NECAB1: variants seen among roughly 807,000 people sequenced by gnomAD.
NECAB1 encodes N-terminal EF-hand calcium binding protein 1.
In NECAB1, 29 loss-of-function variants were observed where a neutral mutation model predicts 57.5. The ratio of observed to expected loss-of-function variants is 0.50; its 90% CI spans 0.38 to 0.69. The LOEUF (loss-of-function observed/expected upper bound fraction) is 0.69, where lower values mean the gene tolerates loss of function less well. NECAB1 is among the 30% of genes least tolerant of loss of function. The pLI, the probability that NECAB1 is intolerant of heterozygous loss-of-function variation, is 0.00. For missense variants in NECAB1, 372 were observed against 413.8 expected (o/e 0.90, Z 0.88); for synonymous variants, 142 against 147.7 (o/e 0.96, Z 0.28).
intron 9 of NECAB1, 50 bp downstream of exon 9, chr8:90,934,407 A>T (rs1810482278): frequency 8.3e-7 from 1 of 1,209,752 alleles, no homozygotes; most frequent in African/African-American, 1.6e-5. Flanking sequence ...CTTTAAAAAC[A>T]TAATTTAATT....
chr8:90,918,090 A>T (rs1810020581), intron 6 of NECAB1, among the ~76,000 whole-genome samples: 1 of 149,732 alleles, frequency 6.7e-6, no homozygotes, highest in South Asian at 2.1e-4. Context: ...GCTCACTGCA[A>T]ACTCTGCCTC....
intron 5 of NECAB1, among the ~76,000 whole-genome samples, chr8:90,901,029 C>T (rs1809488690): frequency 6.6e-6 from 1 of 151,464 alleles, no homozygotes; most frequent in Non-Finnish European, 1.5e-5. Context: ...AAAATTTACC[C>T]TTCAACATTA....
intron 3 of NECAB1, among the ~76,000 whole-genome samples, chr8:90,835,539 G>A (rs968827183): frequency 2.6e-4 from 40 of 151,834 alleles, no homozygotes; most frequent in Admixed American, 1.3e-3. Context: ...AAAAATACTC[G>A]CCACAAAATA....
At chr8:90,945,312 C>T (rs182747378) in intron 10 of NECAB1, among the ~76,000 whole-genome samples, 10 of 152,246 alleles carry the variant, frequency 6.6e-5, no homozygotes, top group Admixed American at 3.9e-4. Flanking sequence ...GTGATCCGCC[C>T]GCCTCAGTCT....
At chr8:90,808,944 C>A (rs1038193769) in intron 2 of NECAB1, among the ~76,000 whole-genome samples, 1 of 151,980 alleles carries the variant, frequency 6.6e-6, no homozygotes, top group Non-Finnish European at 1.5e-5. Flanking sequence ...CGCGCCCGGC[C>A]TTTTCATCCT....
chr8:90,864,993 G>A lies in NECAB1; in HGVS notation c.234-7135G>A, dbSNP rs1368261668. 5.3e-5 allele frequency among the ~76,000 whole-genome samples: 8 copies of A among 152,044 alleles called. No homozygotes were observed. The East Asian group carries it at 5.8e-4, about 11-fold the overall frequency. On this transcript the variant is annotated intron_variant, in intron 3 of 12. Transcript: ENST00000417640. The stretch of plus-strand genomic sequence containing the variant: ...AGGGTGGGTTAGACTGGGGTGGGGC[G>A]CAAATGGAGAACTATGATCAACAGC...
At chr8:90,911,760 G>A (rs1489547391) in intron 5 of NECAB1, among the ~76,000 whole-genome samples, 1 of 152,112 alleles carries the variant, frequency 6.6e-6, no homozygotes, top group Admixed American at 6.6e-5. Flanking sequence ...TATTATCACA[G>A]CAAACAAACC....
rs188274008 is a variant in NECAB1 at position 90,806,766 on chromosome 8, G to T, written c.124+5051G>T. The T allele has an allele frequency of 1.6e-3, 238 of 152,324 alleles. 1 individual carries two copies. Among genetic ancestry groups the T allele is most frequent in the African/African-American group, 5.4e-3 (225 of 41,574 alleles). 9.4% of individuals were successfully genotyped at this position (152,324 alleles called of 1,614,324 possible). The stretch of plus-strand genomic sequence containing the variant: ...GGATAATAATATTACTTCTCATAAA[G>T]TTGTTTTGAGAATTAAATGAGATTA... On this transcript the variant is annotated intron_variant, in intron 2 of 12. Coordinates refer to ENST00000417640, the MANE Select transcript of NECAB1 (RefSeq NM_022351.5).
chr8:90,802,548 G>C (rs114266767), intron 2 of NECAB1, among the ~76,000 whole-genome samples: 1 of 152,220 alleles, frequency 6.6e-6, no homozygotes, highest in Middle Eastern at 3.4e-3. Context: ...GATACAAAGG[G>C]TTCTTTCCCT....
intron 3 of NECAB1, 116 bp downstream of exon 3, chr8:90,824,941 G>C: frequency 2.2e-6 from 1 of 446,862 alleles, no homozygotes. Flanking sequence ...TGCCAAGTTT[G>C]CCTATGCTTA....
intron 5 of NECAB1, among the ~76,000 whole-genome samples, chr8:90,906,889 A>ATGTG (rs1370948313): frequency 1.4e-5 from 1 of 72,862 alleles, no homozygotes; most frequent in African/African-American, 5.7e-5. Flanking sequence ...ATATATATAT[A>ATGTG]TATATATATA....
chr8:90,858,495 C>T (rs1020769956), intron 3 of NECAB1, among the ~76,000 whole-genome samples: 4 of 152,044 alleles, frequency 2.6e-5, no homozygotes, highest in Non-Finnish European at 5.9e-5. Context: ...TAAACACTTC[C>T]TCATTGCCAG....
At chr8:90,887,249 ATTT>A (rs975685795) in intron 5 of NECAB1, among the ~76,000 whole-genome samples, 1 of 151,788 alleles carries the variant, frequency 6.6e-6, no homozygotes, top group African/African-American at 2.4e-5. Context: ...ATCTTCTCCC[ATTT>A]TTTTTATCTG....
chr8:90,834,584 G>A (rs1812341168), intron 3 of NECAB1, among the ~76,000 whole-genome samples: 1 of 152,136 alleles, frequency 6.6e-6, no homozygotes, highest in Admixed American at 6.5e-5. Flanking sequence ...CCAGAACTGT[G>A]AGCAATAAAT....
At chr8:90,845,391 A>C (rs189292517) in intron 3 of NECAB1, among the ~76,000 whole-genome samples, 116 of 152,282 alleles carry the variant, frequency 7.6e-4, no homozygotes, top group African/African-American at 2.8e-3. Context: ...AATTTGGTTT[A>C]TATTTTTTAA....
chr8:90,939,154 G>A (rs1810609496), intron 9 of NECAB1, among the ~76,000 whole-genome samples: 1 of 152,196 alleles, frequency 6.6e-6, no homozygotes, highest in African/African-American at 2.4e-5. Context: ...GCTGCAAAAG[G>A]AGCCATGTGG....
At chr8:90,870,869 CA>C (rs1400343631) in intron 3 of NECAB1, among the ~76,000 whole-genome samples, 8 of 152,108 alleles carry the variant, frequency 5.3e-5, no homozygotes, top group African/African-American at 1.9e-4. Flanking sequence ...GAGTGCATAC[CA>C]AAATTACTGG....
chr8:90,819,368 G>C (rs1279032184), intron 2 of NECAB1, among the ~76,000 whole-genome samples: 1 of 151,896 alleles, frequency 6.6e-6, no homozygotes, highest in East Asian at 1.9e-4. Context: ...GTGAATTTTT[G>C]TGTGTGTGAA....
intron 3 of NECAB1, among the ~76,000 whole-genome samples, chr8:90,827,748 G>C (rs1166735075): frequency 1.3e-5 from 2 of 151,764 alleles, no homozygotes; most frequent in Non-Finnish European, 2.9e-5. Context: ...ATTATGAAAA[G>C]CAAATATTGT....
Sources: allele counts gnomAD v4.1 joint callset (sites outside exome capture counted in the v4.1 genomes callset), GRCh38; gene constraint gnomAD v4.1.1; transcripts MANE v1.5; gene names NCBI Gene and HGNC (gene_info 2026-07-23, HGNC 2026-07-21).